Variants in PGPEP1L observed in about 807,000 individuals in gnomAD.
PGPEP1L encodes the protein pyroglutamyl-peptidase 1-like protein.
PGPEP1L carries 7 observed loss-of-function variants against 6.0 expected under a neutral mutation model. That is an observed-to-expected ratio of 1.17 (90% CI 0.66 to 2.19). The LOEUF is 2.19. Ranked by LOEUF, PGPEP1L falls within the 30% of genes most tolerant of loss-of-function variation. The pLI is 0.00. For synonymous variants in PGPEP1L, 103 were observed against 83.9 expected (o/e 1.23, Z -1.24); for missense variants, 209 against 192.5 (o/e 1.09, Z -0.51).
At chr15:98,982,583 C>A (rs1175628952) in intron 2 of PGPEP1L, among the ~76,000 whole-genome samples, 1 of 151,544 alleles carries the variant, frequency 6.6e-6, no homozygotes, top group African/African-American at 2.4e-5. Flanking sequence ...CCCACTGAAG[C>A]GGGTGCCCAG....
At chr15:98,987,503 G>A (rs1164769700) in intron 2 of PGPEP1L, among the ~76,000 whole-genome samples, 4 of 152,146 alleles carry the variant, frequency 2.6e-5, no homozygotes, top group African/African-American at 9.7e-5. Flanking sequence ...GTTGTGGTGG[G>A]TGCAGTATCC....
chr15:98,975,965 G>T (rs1459610211), intron 2 of PGPEP1L, among the ~76,000 whole-genome samples: 7 of 151,712 alleles, frequency 4.6e-5, no homozygotes, highest in African/African-American at 1.7e-4. Context: ...AAATAAGCCA[G>T]ATTAAAAAAA....
intron 2 of PGPEP1L, among the ~76,000 whole-genome samples, chr15:98,980,646 T>TG (rs59688169): frequency 0.025 from 3,841 of 152,228 alleles, 168 homozygotes; most frequent in African/African-American, 0.085. Context: ...AGTAACTGTA[T>TG]GGTGGCCAGG....
At chr15:98,982,294 A>C (rs111296733) in intron 2 of PGPEP1L, among the ~76,000 whole-genome samples, 1 of 152,060 alleles carries the variant, frequency 6.6e-6, no homozygotes, top group South Asian at 2.1e-4. Flanking sequence ...GGCGACTGGG[A>C]CTATGAGAGC....
chr15:98,984,824 G>C (rs1465172225), intron 2 of PGPEP1L, among the ~76,000 whole-genome samples: 1 of 152,150 alleles, frequency 6.6e-6, no homozygotes, highest in Non-Finnish European at 1.5e-5. Flanking sequence ...ACTCTGCCCA[G>C]ACGAAAATAC....
chr15:99,003,684 G>A (rs573957548), intron 2 of PGPEP1L, among the ~76,000 whole-genome samples: 4 of 149,414 alleles, frequency 2.7e-5, no homozygotes, highest in South Asian at 2.1e-4. Flanking sequence ...ACACAGGAAG[G>A]CCACGCTCTG....
intron 2 of PGPEP1L, among the ~76,000 whole-genome samples, chr15:98,995,291 C>G (rs978151874): frequency 6.6e-6 from 1 of 152,196 alleles, no homozygotes; most frequent in Non-Finnish European, 1.5e-5. Flanking sequence ...CACTAATTTT[C>G]TCTTCATTTG....
intron 2 of PGPEP1L, 66 bp downstream of exon 2, chr15:99,005,363 G>C (rs1555473486): frequency 6.6e-6 from 1 of 152,560 alleles, no homozygotes; most frequent in African/African-American, 2.4e-5. Flanking sequence ...GATCAGGCCA[G>C]TGCGCATTCC....
chr15:98,996,425 G>A (rs75174064), intron 2 of PGPEP1L, among the ~76,000 whole-genome samples: 4,198 of 152,192 alleles, frequency 0.028, 80 homozygotes, highest in Middle Eastern at 0.048. Context: ...ACCCTCACCT[G>A]TGTATGTGTG....
At chr15:98,987,891 T>G (rs1555471682) in intron 2 of PGPEP1L, among the ~76,000 whole-genome samples, 2 of 152,000 alleles carry the variant, frequency 1.3e-5, no homozygotes, top group African/African-American at 4.8e-5. Flanking sequence ...GGTCAAGGGA[T>G]TCCCCTCTCC....
intron 2 of PGPEP1L, among the ~76,000 whole-genome samples, chr15:98,996,936 G>C (rs11858013): frequency 0.022 from 3,291 of 152,190 alleles, 143 homozygotes; most frequent in African/African-American, 0.074. Context: ...TGTTAACTCC[G>C]TTAATCATCA....
At chr15:98,993,124 A>G (rs13358598) in intron 2 of PGPEP1L, among the ~76,000 whole-genome samples, 5 of 152,356 alleles carry the variant, frequency 3.3e-5, no homozygotes, top group African/African-American at 1.2e-4. Context: ...ATTAAACTAA[A>G]GAGATTCAGC....
In PGPEP1L at chr15:98,969,757, A is replaced by G. The variant is rs960516981; in HGVS notation, c.-18-106T>C. 18 of 1,144,130 alleles carry G rather than the reference A, an allele frequency of 1.6e-5. No individual in the cohort carries two copies. In the South Asian group the frequency reaches 2.1e-4, roughly 13 times the overall value. 70.9% of individuals were successfully genotyped at this position (1,144,130 alleles called of 1,614,324 possible). ...CTTTTGAGAGCCCGGCTCTGTGCAA[A>G]ACATCTCAAACCCCAAATCCACTGG... On this transcript the variant is annotated intron_variant, in intron 3 of 4. Transcript: ENST00000535714.
In PGPEP1L at chr15:98,971,062, C is replaced by T. The variant is rs200602348; in HGVS notation, c.-45G>A. The T allele has an allele frequency of 3.8e-5, 62 of 1,613,814 alleles. 1 individual carries two copies. In the East Asian group the frequency reaches 9.8e-4, roughly 26 times the overall value. On this transcript the variant is annotated 5_prime_UTR_variant, in exon 3 of 5. Coordinates refer to ENST00000535714, the MANE Select transcript of PGPEP1L (RefSeq NM_001167902.2). ...TGCGGCTGATGATCTTCCCAGATTCCGGTGACCCTCCGCTTAGCCTCCCTG... is the reference window on the plus strand; with the variant it reads ...TGCGGCTGATGATCTTCCCAGATTCTGGTGACCCTCCGCTTAGCCTCCCTG...
intron 2 of PGPEP1L, among the ~76,000 whole-genome samples, chr15:98,987,856 G>A (rs529692136): frequency 4.3e-4 from 66 of 152,200 alleles, no homozygotes; most frequent in African/African-American, 1.1e-3. Context: ...AGGGTGGGGC[G>A]CTGTCCCACC....
At chr15:99,004,603 A>G (rs1397729045) in intron 2 of PGPEP1L, among the ~76,000 whole-genome samples, 2 of 152,178 alleles carry the variant, frequency 1.3e-5, no homozygotes, top group Non-Finnish European at 2.9e-5. Context: ...CTGTAGTCCC[A>G]GCTACTCGGG....
At chr15:98,976,203 G>A (rs144084662) in intron 2 of PGPEP1L, among the ~76,000 whole-genome samples, 1 of 152,046 alleles carries the variant, frequency 6.6e-6, no homozygotes, top group South Asian at 2.1e-4. Flanking sequence ...ACTTTAAAGG[G>A]TTAAAATGGT....
At chr15:98,978,722 ATATATTT>A (rs1374717156) in intron 2 of PGPEP1L, among the ~76,000 whole-genome samples, 97 of 42,222 alleles carry the variant, frequency 2.3e-3, no homozygotes, top group South Asian at 9.1e-3. Context: ...ATATATATAT[ATATATTT>A]TTTTTTTTTT....
chr15:99,003,676 A>G (rs1471341439), intron 2 of PGPEP1L, among the ~76,000 whole-genome samples: 1 of 150,016 alleles, frequency 6.7e-6, no homozygotes, highest in Non-Finnish European at 1.5e-5. Context: ...CATTTCTAAC[A>G]CAGGAAGGCC....
Sources: gnomAD v4.1 joint callset for allele counts (sites outside exome capture counted in the v4.1 genomes callset) on GRCh38, gnomAD v4.1.1 for gene constraint, MANE v1.5 for transcripts, NCBI Gene and HGNC (gene_info 2026-07-23, HGNC 2026-07-21) for gene names.